The following STAG1 variants were observed in gnomAD, a reference collection of about 807,000 sequenced individuals.
The protein encoded by STAG1 is STAG1 cohesin complex component.
A neutral mutation model predicts 170.9 loss-of-function variants in STAG1; 26 were observed. The ratio of observed to expected loss-of-function variants is 0.15; its 90% CI spans 0.11 to 0.21. The LOEUF (loss-of-function observed/expected upper bound fraction) is 0.21. Among genes scored for constraint, STAG1 ranks in the 10% least tolerant of loss-of-function variants. STAG1 has a pLI of 1.00. For synonymous variants in STAG1, 514 were observed against 497.7 expected, an observed-to-expected ratio of 1.03 and a Z score of -0.44; for missense variants, 964 against 1,509.5, an observed-to-expected ratio of 0.64 and a Z score of 5.99.
chr3:136,750,417 T>A (rs1334423614), intron 1 of STAG1, among the ~76,000 whole-genome samples: 22 of 152,174 alleles, frequency 1.4e-4, no homozygotes, highest in Admixed American at 1.3e-3. Context: ...CCACTCCTTC[T>A]CCCCTACACC....
intron 5 of STAG1, among the ~76,000 whole-genome samples, chr3:136,557,975 AAGAC>A (rs1559877865): frequency 2.6e-5 from 4 of 152,252 alleles, no homozygotes; most frequent in African/African-American, 4.8e-5. Flanking sequence ...AAAGAGAACA[AAGAC>A]AGACAAAAAT....
chr3:136,714,141 G>C (rs1009924813), intron 1 of STAG1, among the ~76,000 whole-genome samples: 2 of 152,102 alleles, frequency 1.3e-5, no homozygotes, highest in African/African-American at 4.8e-5. Flanking sequence ...TTGCATCACC[G>C]CACTCCAGCC....
chr3:136,403,222 C>T (rs1457237388), intron 21 of STAG1, among the ~76,000 whole-genome samples: 1 of 37,500 alleles, frequency 2.7e-5, no homozygotes, highest in African/African-American at 1.4e-4. Context: ...GTGAGACTGT[C>T]TTAAAAAAAA....
intron 15 of STAG1, among the ~76,000 whole-genome samples, chr3:136,436,044 G>A (rs891335386): frequency 2.0e-5 from 3 of 151,946 alleles, no homozygotes; most frequent in Admixed American, 2.0e-4. Flanking sequence ...TGCAACCTCC[G>A]CCTCCCAGGT....
At chr3:136,518,912 TG>T (rs1156530913) in intron 7 of STAG1, among the ~76,000 whole-genome samples, 1 of 151,598 alleles carries the variant, frequency 6.6e-6, no homozygotes, top group African/African-American at 2.4e-5. Context: ...AGAAAGGCAA[TG>T]GGGGGAGGCA....
At chr3:136,739,286 G>T (rs995115559) in intron 1 of STAG1, among the ~76,000 whole-genome samples, 1 of 152,084 alleles carries the variant, frequency 6.6e-6, no homozygotes, top group Non-Finnish European at 1.5e-5. Flanking sequence ...GGGAAGCCAA[G>T]GCTGGGGGAC....
chr3:136,356,970 CAG>C (rs1429946333), intron 28 of STAG1, among the ~76,000 whole-genome samples: 1 of 150,386 alleles, frequency 6.6e-6, no homozygotes, highest in Non-Finnish European at 1.5e-5. Flanking sequence ...TTTTTTGAGA[CAG>C]AGTCTCGCTC....
At chr3:136,441,030 C>CTTT (rs68155305) in intron 15 of STAG1, among the ~76,000 whole-genome samples, 4 of 81,952 alleles carry the variant, frequency 4.9e-5, no homozygotes, top group Admixed American at 1.4e-4. Context: ...ACCATCTTTC[C>CTTT]TTTTTTTTTT....
intron 26 of STAG1, among the ~76,000 whole-genome samples, chr3:136,360,744 C>A (rs1470846123): frequency 2.6e-5 from 4 of 152,102 alleles, no homozygotes; most frequent in Admixed American, 1.3e-4. Context: ...TCTTGGCTCA[C>A]TGCAAGCTCC....
intron 1 of STAG1, among the ~76,000 whole-genome samples, chr3:136,718,820 G>C (rs1017255930): frequency 3.9e-5 from 6 of 151,952 alleles, no homozygotes; most frequent in Admixed American, 2.0e-4. Context: ...CCAGCTACTC[G>C]GGAGGCTGAT....
At chr3:136,599,956 T>C (rs1421730211) in intron 4 of STAG1, among the ~76,000 whole-genome samples, 2 of 152,138 alleles carry the variant, frequency 1.3e-5, no homozygotes, top group Non-Finnish European at 2.9e-5. Flanking sequence ...CAGAACCAGA[T>C]CATATAAAAG....
At chr3:136,709,261 G>C (rs978481005) in intron 1 of STAG1, among the ~76,000 whole-genome samples, 13 of 151,562 alleles carry the variant, frequency 8.6e-5, no homozygotes, top group Non-Finnish European at 1.5e-4. Flanking sequence ...CTGCACTCCA[G>C]CCTGGGCGAC....
chr3:136,385,442 C>T (rs528446873), intron 22 of STAG1, among the ~76,000 whole-genome samples: 1 of 152,134 alleles, frequency 6.6e-6, no homozygotes, highest in African/African-American at 2.4e-5. Flanking sequence ...CCTGTCTCTA[C>T]AGAAAACCAA....
intron 1 of STAG1, among the ~76,000 whole-genome samples, chr3:136,653,855 T>A (rs1422959044): frequency 6.6e-6 from 1 of 152,176 alleles, no homozygotes; most frequent in Non-Finnish European, 1.5e-5. Context: ...AACTAATCAA[T>A]GTAATATACC....
At chr3:136,691,422 G>A (rs567482232) in intron 1 of STAG1, among the ~76,000 whole-genome samples, 6 of 150,018 alleles carry the variant, frequency 4.0e-5, no homozygotes, top group South Asian at 4.2e-4. Flanking sequence ...GTGACAGAGC[G>A]AGACTCTCAA....
At position 136,336,882 on chromosome 3, in the gene STAG1, A is replaced by G. The variant is rs1348720577; in HGVS notation, c.*1372T>C. On this transcript the variant is annotated 3_prime_UTR_variant, in exon 34 of 34. Transcript: ENST00000383202. ...AAAGCCTCATGATTCTGTTGCAGCTACTTTAAAAACCAGCCCAGAAACAGC... is the reference window on the plus strand; with the variant it reads ...AAAGCCTCATGATTCTGTTGCAGCTGCTTTAAAAACCAGCCCAGAAACAGC... 2 of 152,236 alleles carry G rather than the reference A, an allele frequency of 1.3e-5. No individual in the cohort carries two copies. The highest frequency in any genetic ancestry group is 4.8e-5 in the African/African-American group (2 of 41,466). The allele number at this position is 152,236 out of a possible 1,614,324, so 9.4% of individuals were successfully genotyped here.
At chr3:136,733,785 C>T (rs1429558276) in intron 1 of STAG1, among the ~76,000 whole-genome samples, 1 of 152,160 alleles carries the variant, frequency 6.6e-6, no homozygotes. Context: ...AAATGTTCAA[C>T]TTTTATACCT....
chr3:136,750,648 A>G (rs1358765029), intron 1 of STAG1, among the ~76,000 whole-genome samples: 1 of 152,232 alleles, frequency 6.6e-6, no homozygotes, highest in Non-Finnish European at 1.5e-5. Flanking sequence ...CACTTGAATT[A>G]ATTTAGTTTA....
At chr3:136,522,573 ATTAT>A (rs1357231083) in intron 6 of STAG1, among the ~76,000 whole-genome samples, 1 of 151,854 alleles carries the variant, frequency 6.6e-6, no homozygotes, top group East Asian at 1.9e-4. Flanking sequence ...TTTAATTATA[ATTAT>A]TTTTCACTCT....
Sources: allele counts gnomAD v4.1 joint callset (sites outside exome capture counted in the v4.1 genomes callset), GRCh38; gene constraint gnomAD v4.1.1; transcripts MANE v1.5; gene names NCBI Gene and HGNC (gene_info 2026-07-23, HGNC 2026-07-21).